The following RBFOX1 variants were observed in gnomAD, a reference collection of about 807,000 sequenced individuals.
RBFOX1 encodes RNA binding protein fox-1 homolog 1.
Under a neutral mutation model 57.7 loss-of-function variants are expected in RBFOX1, and 8 were observed. The observed-to-expected ratio is 0.14, with a 90% CI of 0.08 to 0.25. The LOEUF is 0.25. RBFOX1 is among the 10% of genes least tolerant of loss of function. The pLI, the probability that RBFOX1 is intolerant of heterozygous loss-of-function variation, is 1.00. For missense variants in RBFOX1, 611 were observed against 548.5 expected (o/e 1.11, Z -1.14); for synonymous variants, 326 against 222.4 (o/e 1.47, Z -4.15).
chr16:7,416,194 A>G (rs1252448967), intron 4 of RBFOX1, among the ~76,000 whole-genome samples: 2 of 152,154 alleles, frequency 1.3e-5, no homozygotes, highest in Admixed American at 6.5e-5. Flanking sequence ...ATGGGAAGTG[A>G]CAGATTCAAT....
intron 9 of RBFOX1, among the ~76,000 whole-genome samples, chr16:7,597,820 G>A (rs943203631): frequency 1.3e-5 from 2 of 152,172 alleles, no homozygotes; most frequent in Non-Finnish European, 2.9e-5. Context: ...GTGCAGTCAC[G>A]TAATTTATTC....
chr16:7,135,251 G>C (rs2071598090), intron 4 of RBFOX1, among the ~76,000 whole-genome samples: 1 of 152,102 alleles, frequency 6.6e-6, no homozygotes, highest in African/African-American at 2.4e-5. Context: ...TGTTGTTGCT[G>C]TTGGATTAAA....
chr16:7,307,354 C>G (rs187530106), intron 4 of RBFOX1, among the ~76,000 whole-genome samples: 1 of 152,282 alleles, frequency 6.6e-6, no homozygotes, highest in East Asian at 1.9e-4. Context: ...CAGATTTATC[C>G]ATAAGACAAC....
chr16:7,303,713 C>T (rs904489627), intron 4 of RBFOX1, among the ~76,000 whole-genome samples: 34 of 151,840 alleles, frequency 2.2e-4, no homozygotes, highest in Admixed American at 7.2e-4. Context: ...TGAGTCAAAA[C>T]CTCTCTTCCT....
At chr16:7,350,860 T>C (rs187642297) in intron 4 of RBFOX1, among the ~76,000 whole-genome samples, 1 of 152,280 alleles carries the variant, frequency 6.6e-6, no homozygotes, top group African/African-American at 2.4e-5. Context: ...TGGTATTTTG[T>C]GTGGCTTCAG....
intron 11 of RBFOX1, among the ~76,000 whole-genome samples, chr16:7,653,383 A>G (rs1381378486): frequency 6.6e-6 from 1 of 152,046 alleles, no homozygotes; most frequent in Non-Finnish European, 1.5e-5. Flanking sequence ...ACTTCTATCT[A>G]TGGTCCCAGC....
At chr16:7,147,245 T>C (rs899007661) in intron 4 of RBFOX1, among the ~76,000 whole-genome samples, 3 of 151,374 alleles carry the variant, frequency 2.0e-5, no homozygotes, top group Non-Finnish European at 4.4e-5. Flanking sequence ...CCTCAAGTGA[T>C]CCGCCCACCT....
chr16:6,878,207 G>C (rs1175416603), intron 3 of RBFOX1, among the ~76,000 whole-genome samples: 1 of 152,252 alleles, frequency 6.6e-6, no homozygotes, highest in African/African-American at 2.4e-5. Context: ...TCACCATGCA[G>C]GCTCATCAAC....
chr16:6,208,708 C>G (rs2097271794), intron 1 of RBFOX1, among the ~76,000 whole-genome samples: 1 of 152,122 alleles, frequency 6.6e-6, no homozygotes, highest in Non-Finnish European at 1.5e-5. Context: ...AGAGTCAGAA[C>G]CTTCCATATT....
intron 4 of RBFOX1, among the ~76,000 whole-genome samples, chr16:7,133,908 T>C (rs899902259): frequency 1.3e-5 from 2 of 152,152 alleles, no homozygotes; most frequent in Non-Finnish European, 2.9e-5. Flanking sequence ...ACAACATCAG[T>C]TCCAAATATG....
At chr16:5,883,334 A>G (rs916494493) in intron 4 of RBFOX1, among the ~76,000 whole-genome samples, 4 of 152,328 alleles carry the variant, frequency 2.6e-5, no homozygotes, top group African/African-American at 7.2e-5. Flanking sequence ...GAAAGAGAAA[A>G]CAAACCAATA....
At chr16:7,139,410 T>C (rs8047522) in intron 4 of RBFOX1, among the ~76,000 whole-genome samples, 118,930 of 151,420 alleles carry the variant, frequency 0.79, 46,734 homozygotes, top group Middle Eastern at 0.85. Flanking sequence ...TCCTTTTCCT[T>C]CTTGAGTTCA....
At chr16:5,796,545 A>G (rs1309731627) in intron 3 of RBFOX1, among the ~76,000 whole-genome samples, 1 of 143,980 alleles carries the variant, frequency 6.9e-6, no homozygotes, top group Non-Finnish European at 1.5e-5. Flanking sequence ...GCAGGGCTGT[A>G]TCAGATGGTG....
intron 4 of RBFOX1, among the ~76,000 whole-genome samples, chr16:7,249,512 C>G (rs570615821): frequency 2.0e-5 from 3 of 151,778 alleles, no homozygotes; most frequent in Non-Finnish European, 2.9e-5. Context: ...TCTGACTTCC[C>G]ACATTGTATA....
chr16:6,608,709 C>G (rs2097986803), intron 2 of RBFOX1, among the ~76,000 whole-genome samples: 1 of 152,146 alleles, frequency 6.6e-6, no homozygotes, highest in Admixed American at 6.5e-5. Context: ...GAGTTTGACG[C>G]TACAGTGAGC....
chr16:5,949,668 T>A (rs2059480222), intron 4 of RBFOX1, among the ~76,000 whole-genome samples: 2 of 152,066 alleles, frequency 1.3e-5, no homozygotes, highest in Non-Finnish European at 2.9e-5. Flanking sequence ...CAATTAACAG[T>A]TTTGAATGGT....
chr16:5,933,445 C>T (rs80143748), intron 4 of RBFOX1, among the ~76,000 whole-genome samples: 4,614 of 152,182 alleles, frequency 0.03, 108 homozygotes, highest in Middle Eastern at 0.044. Context: ...GATCCTTGGC[C>T]CGTTTTGAGG....
At chr16:6,644,468 A>G (rs903738216) in intron 2 of RBFOX1, among the ~76,000 whole-genome samples, 5 of 152,236 alleles carry the variant, frequency 3.3e-5, no homozygotes, top group African/African-American at 9.6e-5. Context: ...TCAGTTGATC[A>G]TAAGCCGATT....
chr16:5,891,182 G>A (rs1198218828), intron 4 of RBFOX1, among the ~76,000 whole-genome samples: 1 of 149,128 alleles, frequency 6.7e-6, no homozygotes, highest in African/African-American at 2.5e-5. Context: ...AAGGGCTTCA[G>A]AAAGTGTAAA....
Sources: gnomAD v4.1 joint callset for allele counts (sites outside exome capture counted in the v4.1 genomes callset) on GRCh38, gnomAD v4.1.1 for gene constraint, MANE v1.5 for transcripts, NCBI Gene and HGNC (gene_info 2026-07-23, HGNC 2026-07-21) for gene names.